The following ADAM12 variants were observed in gnomAD, a reference collection of about 807,000 sequenced individuals.
The protein encoded by ADAM12 is disintegrin and metalloproteinase domain-containing protein 12.
A neutral mutation model predicts 106.4 loss-of-function variants in ADAM12; 70 were observed. The observed-to-expected ratio is 0.66, with a 90% CI of 0.54 to 0.80. ADAM12 has a LOEUF of 0.80. Among genes scored for constraint, ADAM12 ranks in the 30% least tolerant of loss-of-function variants. ADAM12 has a pLI of 0.00. For synonymous variants in ADAM12, 420 were observed against 433.5 expected, an observed-to-expected ratio of 0.97 and a Z score of 0.39; for missense variants, 1,010 against 1,171.9, an observed-to-expected ratio of 0.86 and a Z score of 2.02.
intron 3 of ADAM12, among the ~76,000 whole-genome samples, chr10:126,257,409 T>G (rs1373142395): frequency 1.3e-5 from 2 of 152,186 alleles, no homozygotes. Context: ...TTGCACTGAG[T>G]TTAGCAAAGG....
chr10:126,339,841 C>G (rs1347558846), intron 1 of ADAM12, among the ~76,000 whole-genome samples: 2 of 125,592 alleles, frequency 1.6e-5, no homozygotes, highest in Non-Finnish European at 3.3e-5. Context: ...GGAAGCCATT[C>G]TAGGGCTTTT....
At chr10:126,115,970 C>T (rs1000078207) in intron 6 of ADAM12, among the ~76,000 whole-genome samples, 3 of 152,180 alleles carry the variant, frequency 2.0e-5, no homozygotes, top group African/African-American at 7.2e-5. Flanking sequence ...ACAGTGCTTT[C>T]TAGAGAGAAA....
At chr10:126,349,905 TG>T (rs759634906) in intron 1 of ADAM12, among the ~76,000 whole-genome samples, 7 of 152,198 alleles carry the variant, frequency 4.6e-5, no homozygotes, top group Non-Finnish European at 7.3e-5. Flanking sequence ...TCTTCAGGTA[TG>T]GGTTTTCTCC....
chr10:126,288,250 A>T (rs7916479), intron 2 of ADAM12, among the ~76,000 whole-genome samples: 72,651 of 151,992 alleles, frequency 0.48, 18,588 homozygotes, highest in African/African-American at 0.67. Flanking sequence ...GGACTTCCAT[A>T]CTGTTCTTCT....
chr10:126,263,735 A>C (rs1959045442), intron 3 of ADAM12, among the ~76,000 whole-genome samples: 1 of 152,226 alleles, frequency 6.6e-6, no homozygotes, highest in African/African-American at 2.4e-5. Context: ...ATTGAATAAC[A>C]TATTTCCATC....
intron 5 of ADAM12, among the ~76,000 whole-genome samples, chr10:126,130,719 C>T (rs936677147): frequency 6.6e-6 from 1 of 152,176 alleles, no homozygotes; most frequent in Non-Finnish European, 1.5e-5. Context: ...GTGCCTGGCA[C>T]ACGGTGACTA....
chr10:126,083,369 T>C (rs1278347), intron 11 of ADAM12, among the ~76,000 whole-genome samples: 105,876 of 152,172 alleles, frequency 0.7, 37,254 homozygotes, highest in East Asian at 0.82. Flanking sequence ...AACCACACCG[T>C]CTCGAGGGCT....
intron 14 of ADAM12, among the ~76,000 whole-genome samples, chr10:126,059,510 C>T (rs1954706108): frequency 6.6e-6 from 1 of 152,190 alleles, no homozygotes. Context: ...AACAATAAGA[C>T]TTCTGGCAAA....
intron 14 of ADAM12, among the ~76,000 whole-genome samples, chr10:126,054,618 T>G (rs2133453266): frequency 6.6e-6 from 1 of 152,304 alleles, no homozygotes; most frequent in South Asian, 2.1e-4. Context: ...TGCTTCAGAG[T>G]TGGAAGAACA....
intron 11 of ADAM12, among the ~76,000 whole-genome samples, chr10:126,080,136 C>T (rs1955184538): frequency 1.3e-5 from 2 of 152,158 alleles, no homozygotes; most frequent in Non-Finnish European, 2.9e-5. Context: ...GCTTCCAAAT[C>T]CAAAGTATGG....
chr10:126,098,673 AG>A (rs1199402970), intron 9 of ADAM12, among the ~76,000 whole-genome samples, 173 bp from the exon 10 acceptor site: 1 of 152,188 alleles, frequency 6.6e-6, no homozygotes, highest in Admixed American at 6.5e-5. Flanking sequence ...TTATTTCTGC[AG>A]TTGCGTCATG....
chr10:126,129,802 A>T (rs1956271508), intron 5 of ADAM12, among the ~76,000 whole-genome samples: 1 of 152,180 alleles, frequency 6.6e-6, no homozygotes, highest in Non-Finnish European at 1.5e-5. Flanking sequence ...TCCATGTTGT[A>T]CTTCATTCCC....
intron 16 of ADAM12, among the ~76,000 whole-genome samples, chr10:126,046,859 T>C (rs1954339066): frequency 1.3e-5 from 2 of 149,902 alleles, no homozygotes; most frequent in Non-Finnish European, 3.0e-5. Context: ...GATTACTCCT[T>C]ATCCCAGGGC....
chr10:126,019,009 G>A (rs1344221432), intron 22 of ADAM12, among the ~76,000 whole-genome samples: 2 of 152,170 alleles, frequency 1.3e-5, no homozygotes, highest in African/African-American at 4.8e-5. Flanking sequence ...ATATCAAATT[G>A]TAATCCCCAA....
chr10:126,200,716 G>A (rs1331955554), intron 3 of ADAM12, among the ~76,000 whole-genome samples: 1 of 152,202 alleles, frequency 6.6e-6, no homozygotes, highest in Non-Finnish European at 1.5e-5. Flanking sequence ...AGCACCAGAT[G>A]AGAAGCTCTA....
intron 3 of ADAM12, among the ~76,000 whole-genome samples, chr10:126,193,822 G>A (rs567210069): frequency 6.6e-6 from 1 of 152,130 alleles, no homozygotes; most frequent in East Asian, 1.9e-4. Context: ...TCTTGAATTC[G>A]GGAGGCAGAA....
intron 3 of ADAM12, among the ~76,000 whole-genome samples, chr10:126,169,235 C>T (rs1674934): frequency 0.098 from 14,892 of 152,200 alleles, 2,097 homozygotes; most frequent in African/African-American, 0.31. Flanking sequence ...TCTTAGTAAC[C>T]CCCATCCAAA....
intron 1 of ADAM12, among the ~76,000 whole-genome samples, chr10:126,386,662 A>G (rs1055635061): frequency 1.3e-5 from 2 of 152,182 alleles, no homozygotes; most frequent in Non-Finnish European, 2.9e-5. Context: ...GGATTTAATA[A>G]ACATTTTCTT....
intron 2 of ADAM12, among the ~76,000 whole-genome samples, chr10:126,294,549 C>T (rs762533024): frequency 7.9e-5 from 12 of 152,140 alleles, no homozygotes; most frequent in Non-Finnish European, 1.6e-4. Flanking sequence ...GAAAGGATTG[C>T]TCCATTCCTA....
Sources: allele counts gnomAD v4.1 joint callset (sites outside exome capture counted in the v4.1 genomes callset), GRCh38; gene constraint gnomAD v4.1.1; transcripts MANE v1.5; gene names NCBI Gene and HGNC (gene_info 2026-07-23, HGNC 2026-07-21).